Variants in GTF2I observed in about 807,000 individuals in gnomAD.
GTF2I encodes the protein general transcription factor IIi.
In GTF2I, 12 loss-of-function variants were observed where a neutral mutation model predicts 67.6. The ratio of observed to expected loss-of-function variants is 0.18; its 90% CI spans 0.11 to 0.29. The LOEUF is 0.29. Ranked by LOEUF, GTF2I falls within the 10% of genes least tolerant of loss-of-function variation. The pLI is 1.00. For missense variants in GTF2I, 271 were observed against 580.1 expected (o/e 0.47, Z 5.47); for synonymous variants, 149 against 197.0 (o/e 0.76, Z 2.04).
At chr7:74,670,178 T>C (rs1047438795) in intron 1 of GTF2I, among the ~76,000 whole-genome samples, 5 of 152,214 alleles carry the variant, frequency 3.3e-5, no homozygotes, top group Non-Finnish European at 5.9e-5. Flanking sequence ...AATGCTTTTG[T>C]GATGCACTTT....
intron 1 of GTF2I, among the ~76,000 whole-genome samples, chr7:74,660,295 T>G (rs1041252331): frequency 4.0e-5 from 6 of 151,466 alleles, no homozygotes; most frequent in East Asian, 2.0e-4. Context: ...GTTCAAGCGA[T>G]TTTCCTGCCT....
rs149119679 is a variant in GTF2I at position 74,692,840 on chromosome 7, G to A, written c.238+1729G>A. Among the ~76,000 whole-genome samples the A allele has an allele frequency of 5.8e-3, 875 of 152,130 alleles. 10 individuals carry two copies. Among genetic ancestry groups the A allele is most frequent in the African/African-American group, 0.02 (826 of 41,516 alleles). On this transcript the variant is annotated intron_variant, in intron 3 of 34. Coordinates refer to ENST00000573035, the MANE Select transcript of GTF2I (RefSeq NM_032999.4). Reference sequence around the variant, plus strand: ...TGCAATGGTGCGATCTCGGCTCACCGCAACCTCTGCCTCTTGGGTTCAAGT... The same window carrying A: ...TGCAATGGTGCGATCTCGGCTCACCACAACCTCTGCCTCTTGGGTTCAAGT...
intron 3 of GTF2I, among the ~76,000 whole-genome samples, chr7:74,692,754 T>A (rs1788452534): frequency 6.6e-6 from 1 of 152,178 alleles, no homozygotes; most frequent in Non-Finnish European, 1.5e-5. Flanking sequence ...TACCTCATTT[T>A]TTGTTGTTGT....
chr7:74,699,153 A>T, intron 4 of GTF2I, 58 bp downstream of exon 4: 1 of 956,548 alleles, frequency 1.0e-6, no homozygotes, highest in Non-Finnish European at 1.5e-6. Context: ...AATTTTCTAA[A>T]GGGAAGCTTA....
At chr7:74,695,155 AGTTT>A (rs1181558160) in intron 3 of GTF2I, among the ~76,000 whole-genome samples, 3 of 152,108 alleles carry the variant, frequency 2.0e-5, no homozygotes, top group Non-Finnish European at 2.9e-5. Flanking sequence ...TTTGAGACAG[AGTTT>A]TGCTCTTGTT....
chr7:74,695,026 T>C (rs1788749641), intron 3 of GTF2I, among the ~76,000 whole-genome samples: 1 of 152,220 alleles, frequency 6.6e-6, no homozygotes, highest in Non-Finnish European at 1.5e-5. Context: ...TTTTGAGACC[T>C]ACTGCTCAGA....
At chr7:74,675,387 A>G (rs1415102453) in intron 1 of GTF2I, among the ~76,000 whole-genome samples, 1 of 152,028 alleles carries the variant, frequency 6.6e-6, no homozygotes, top group Admixed American at 6.6e-5. Flanking sequence ...AACTTTGATG[A>G]CTTGGTTACG....
chr7:74,662,528 T>TTTTTTC, intron 1 of GTF2I, among the ~76,000 whole-genome samples: 1 of 129,054 alleles, frequency 7.7e-6, no homozygotes, highest in African/African-American at 3.0e-5. Flanking sequence ...TTTTTTTTTT[T>TTTTTTC]TTTTTTTTTT....
chr7:74,660,859 GCCTTTTCCT>G (rs1804426158), intron 1 of GTF2I, among the ~76,000 whole-genome samples: 1 of 151,428 alleles, frequency 6.6e-6, no homozygotes, highest in Admixed American at 6.6e-5. Flanking sequence ...GGGACAAGAA[GCCTTTTCCT>G]CCTATGTCTT....
chr7:74,709,581 A>G (rs922396424), intron 8 of GTF2I, among the ~76,000 whole-genome samples: 3 of 151,666 alleles, frequency 2.0e-5, no homozygotes, highest in Non-Finnish European at 2.9e-5. Context: ...TCTTTAGCCA[A>G]TTGGAGTGAC....
At chr7:74,721,664 C>T (rs1793021327) in intron 12 of GTF2I, among the ~76,000 whole-genome samples, 1 of 151,818 alleles carries the variant, frequency 6.6e-6, no homozygotes, top group Non-Finnish European at 1.5e-5. Flanking sequence ...ACATGCACAC[C>T]TCTGGTTAAT....
At chr7:74,688,951 C>T (rs1331556658) in intron 1 of GTF2I, 173 bp from the exon 2 acceptor site, 2 of 526,186 alleles carry the variant, frequency 3.8e-6, no homozygotes, top group Non-Finnish European at 6.8e-6. Context: ...GGGATAGATT[C>T]TTTATCTTAT....
intron 6 of GTF2I, among the ~76,000 whole-genome samples, chr7:74,704,846 C>A (rs1790385603): frequency 1.3e-5 from 1 of 77,858 alleles, no homozygotes; most frequent in Non-Finnish European, 2.3e-5. Context: ...CAGAGTAAAA[C>A]CCTGTTTCTA....
At chr7:74,705,374 C>T (rs1554401071) in intron 7 of GTF2I, among the ~76,000 whole-genome samples, 156 bp downstream of exon 7, 1 of 152,102 alleles carries the variant, frequency 6.6e-6, no homozygotes, top group African/African-American at 2.4e-5. Context: ...TGAACATGCC[C>T]TCTTTGACTT....
chr7:74,697,037 A>G (rs1414499497), intron 3 of GTF2I, among the ~76,000 whole-genome samples: 4 of 152,178 alleles, frequency 2.6e-5, no homozygotes, highest in African/African-American at 7.2e-5. Context: ...AAAACAAGTG[A>G]AATTCATTTT....
chr7:74,688,195 C>G (rs1424265124), intron 1 of GTF2I, among the ~76,000 whole-genome samples: 1 of 152,108 alleles, frequency 6.6e-6, no homozygotes, highest in East Asian at 1.9e-4. Flanking sequence ...TCCCCTGTCT[C>G]AGACTCTTGA....
At chr7:74,704,295 T>TA (rs1554400658) in intron 6 of GTF2I, among the ~76,000 whole-genome samples, 74 of 150,222 alleles carry the variant, frequency 4.9e-4, no homozygotes, top group East Asian at 1.2e-3. Context: ...TTTATTTATT[T>TA]TTTTATTTAT....
intron 1 of GTF2I, among the ~76,000 whole-genome samples, chr7:74,680,932 C>T (rs1360134908): frequency 1.3e-5 from 2 of 152,106 alleles, no homozygotes; most frequent in East Asian, 1.9e-4. Flanking sequence ...ACAGGAAACT[C>T]GAGGATTTCA....
intron 6 of GTF2I, 64 bp from the exon 7 acceptor site, chr7:74,705,100 C>T (rs1584212861): frequency 1.0e-6 from 1 of 960,972 alleles, no homozygotes; most frequent in Non-Finnish European, 1.7e-6. Context: ...ATATTTAAAG[C>T]CTTTAGACAT....
Sources: allele counts gnomAD v4.1 joint callset (sites outside exome capture counted in the v4.1 genomes callset), GRCh38; gene constraint gnomAD v4.1.1; transcripts MANE v1.5; gene names NCBI Gene and HGNC (gene_info 2026-07-23, HGNC 2026-07-21).